FMNL2: variants seen among roughly 807,000 people sequenced by gnomAD.
The protein encoded by FMNL2 is formin-like protein 2.
Under a neutral mutation model 130.2 loss-of-function variants are expected in FMNL2, and 51 were observed. The ratio of observed to expected loss-of-function variants is 0.39; its 90% CI spans 0.31 to 0.49. The LOEUF (loss-of-function observed/expected upper bound fraction) is 0.49, where lower values mean the gene tolerates loss of function less well. FMNL2 is among the 20% of genes least tolerant of loss of function. The pLI, the probability that FMNL2 is intolerant of heterozygous loss-of-function variation, is 0.85. For missense variants in FMNL2, 977 were observed against 1,316.2 expected, an observed-to-expected ratio of 0.74 and a Z score of 3.99; for synonymous variants, 465 against 467.1, an observed-to-expected ratio of 1.00 and a Z score of 0.06.
chr2:152,479,396 T>A (rs1184985931), intron 1 of FMNL2, among the ~76,000 whole-genome samples: 1 of 152,200 alleles, frequency 6.6e-6, no homozygotes, highest in East Asian at 1.9e-4. Context: ...CCTCCTGCGT[T>A]GGCCTCCTAA....
chr2:152,468,493 A>G (rs896472632), intron 1 of FMNL2, among the ~76,000 whole-genome samples: 1 of 152,224 alleles, frequency 6.6e-6, no homozygotes, highest in African/African-American at 2.4e-5. Context: ...AAATCTAAAC[A>G]TAAGTGTATC....
chr2:152,583,159 A>G (rs1484192194), intron 9 of FMNL2, among the ~76,000 whole-genome samples: 1 of 152,198 alleles, frequency 6.6e-6, no homozygotes, highest in Non-Finnish European at 1.5e-5. Context: ...AGTAATGAGA[A>G]CTAAATTACT....
intron 4 of FMNL2, among the ~76,000 whole-genome samples, chr2:152,550,589 G>T (rs1360695708): frequency 6.6e-6 from 1 of 152,182 alleles, no homozygotes; most frequent in Non-Finnish European, 1.5e-5. Flanking sequence ...TATGACTTAT[G>T]CTGGCAGCCG....
chr2:152,457,737 C>T (rs924877758), intron 1 of FMNL2, among the ~76,000 whole-genome samples: 4 of 152,190 alleles, frequency 2.6e-5, no homozygotes, highest in African/African-American at 9.7e-5. Flanking sequence ...GTCAGAAGTC[C>T]AACATGGGTC....
At chr2:152,338,861 A>G (rs1249724730) in intron 1 of FMNL2, among the ~76,000 whole-genome samples, 1 of 152,092 alleles carries the variant, frequency 6.6e-6, no homozygotes, top group South Asian at 2.1e-4. Context: ...ACATATATGC[A>G]TATGCCTTTG....
chr2:152,424,873 A>G (rs1467664619), intron 1 of FMNL2, among the ~76,000 whole-genome samples: 2 of 152,346 alleles, frequency 1.3e-5, no homozygotes, highest in East Asian at 3.9e-4. Context: ...AAAAATTGGA[A>G]AAGCCAAAGC....
chr2:152,476,941 G>T (rs1254584944), intron 1 of FMNL2, among the ~76,000 whole-genome samples: 1 of 152,064 alleles, frequency 6.6e-6, no homozygotes, highest in African/African-American at 2.4e-5. Context: ...ATTCATTTGG[G>T]GGCAGAAATT....
At position 152,486,215 on chromosome 2, in the gene FMNL2, C is replaced by T. The variant is rs569211123; in HGVS notation, c.118-35728C>T. On this transcript the variant is annotated intron_variant, in intron 1 of 25. Coordinates refer to ENST00000288670, the MANE Select transcript of FMNL2 (RefSeq NM_052905.4). ...TCTTTCTTGAATCAGCAAAAGAAATCGCTGTAAAGTTAATGTAATTTACGG... is the reference window on the plus strand; with the variant it reads ...TCTTTCTTGAATCAGCAAAAGAAATTGCTGTAAAGTTAATGTAATTTACGG... Among the ~76,000 whole-genome samples, 5 of 152,292 alleles carry T rather than the reference C, an allele frequency of 3.3e-5. No individual in the cohort carries two copies. In the East Asian group the frequency reaches 5.8e-4, roughly 18 times the overall value.
chr2:152,336,092 A>AAAAAAAAAC (rs5835421), intron 1 of FMNL2, among the ~76,000 whole-genome samples: 3 of 132,336 alleles, frequency 2.3e-5, no homozygotes, highest in African/African-American at 5.7e-5. Flanking sequence ...TTTTTTTAAA[A>AAAAAAAAAC]AAAACAAAAC....
intron 1 of FMNL2, among the ~76,000 whole-genome samples, chr2:152,477,979 C>T (rs1283421269): frequency 6.6e-6 from 1 of 151,946 alleles, no homozygotes. Context: ...CACCGAGAGC[C>T]TTTTTAAAAC....
At chr2:152,502,773 A>G (rs1029000116) in intron 1 of FMNL2, among the ~76,000 whole-genome samples, 7 of 152,140 alleles carry the variant, frequency 4.6e-5, no homozygotes, top group African/African-American at 1.7e-4. Flanking sequence ...GTACAGAAGT[A>G]TGGTGGGTTT....
At chr2:152,532,274 G>A (rs1375803287) in intron 2 of FMNL2, among the ~76,000 whole-genome samples, 4 of 152,106 alleles carry the variant, frequency 2.6e-5, no homozygotes, top group African/African-American at 9.7e-5. Flanking sequence ...AAATTACTTT[G>A]ATATACTGTT....
intron 18 of FMNL2, 128 bp from the exon 19 acceptor site, chr2:152,629,528 T>G (rs1240180570): frequency 1.9e-5 from 15 of 777,856 alleles, no homozygotes; most frequent in Admixed American, 1.1e-4. Flanking sequence ...AAAAGTAGAC[T>G]CTCACCATGA....
intron 1 of FMNL2, among the ~76,000 whole-genome samples, chr2:152,509,297 TAATA>T (rs1190439521): frequency 6.6e-6 from 1 of 152,242 alleles, no homozygotes; most frequent in Non-Finnish European, 1.5e-5. Flanking sequence ...CAGCCATATT[TAATA>T]AATAATCTAT....
At chr2:152,369,130 C>A (rs1358252502) in intron 1 of FMNL2, among the ~76,000 whole-genome samples, 2 of 152,160 alleles carry the variant, frequency 1.3e-5, no homozygotes, top group Non-Finnish European at 2.9e-5. Context: ...AATCATACTT[C>A]CCACTTTGTT....
rs1681385265 is a variant in FMNL2 at position 152,335,867 on chromosome 2, C to T, written c.117+147C>T. 3.8e-6 allele frequency: 2 copies of T among 531,442 alleles called. 1 individual carries two copies. Among genetic ancestry groups the T allele is most frequent in the Non-Finnish European group, 6.5e-6 (2 of 309,422 alleles). 32.9% of individuals were successfully genotyped at this position (531,442 alleles called of 1,614,324 possible). A position where few individuals can be genotyped will look rare whatever the true frequency, so the allele number is the denominator to read the frequency against. On this transcript the variant is annotated intron_variant, in intron 1 of 25. Transcript: ENST00000288670. The stretch of plus-strand genomic sequence containing the variant: ...TCCCGCTTTCCCCTTTGTGGCCCCC[C>T]AGCACTCCTCTTCACCCCCCTGGCA...
chr2:152,612,416 A>G (rs996688682), intron 11 of FMNL2, among the ~76,000 whole-genome samples: 1 of 152,094 alleles, frequency 6.6e-6, no homozygotes, highest in Non-Finnish European at 1.5e-5. Context: ...GCTGCTTGGG[A>G]AGCTGAAGTG....
At chr2:152,599,476 A>G (rs1697943186) in intron 9 of FMNL2, among the ~76,000 whole-genome samples, 1 of 114,186 alleles carries the variant, frequency 8.8e-6, no homozygotes, top group Non-Finnish European at 1.6e-5. Context: ...TGAAGGGGTG[A>G]TGCGTCAATG....
At chr2:152,426,107 T>C (rs936897649) in intron 1 of FMNL2, among the ~76,000 whole-genome samples, 1 of 152,186 alleles carries the variant, frequency 6.6e-6, no homozygotes, top group African/African-American at 2.4e-5. Context: ...TTAAGTGTTA[T>C]GGCATCTGAG....
Sources: allele counts gnomAD v4.1 joint callset (sites outside exome capture counted in the v4.1 genomes callset), GRCh38; gene constraint gnomAD v4.1.1; transcripts MANE v1.5; gene names NCBI Gene and HGNC (gene_info 2026-07-23, HGNC 2026-07-21).